KIAA0586: variants seen among roughly 807,000 people sequenced by gnomAD.
KIAA0586 encodes the protein protein TALPID3.
Under a neutral mutation model 169.8 loss-of-function variants are expected in KIAA0586, and 144 were observed. That is an observed-to-expected ratio of 0.85 (90% CI 0.74 to 0.97). The LOEUF (loss-of-function observed/expected upper bound fraction) is 0.97. Among genes scored for constraint, KIAA0586 ranks in the 50% least tolerant of loss-of-function variants. The pLI, the probability that KIAA0586 is intolerant of heterozygous loss-of-function variation, is 0.00. For synonymous variants in KIAA0586, 625 were observed against 612.4 expected (o/e 1.02, Z -0.30); for missense variants, 1,854 against 1,823.0 (o/e 1.02, Z -0.31).
In KIAA0586 at chr14:58,521,258, C is replaced by A. The variant is rs1362297574; in HGVS notation, c.4429+8631C>A. 9 of 1,125,264 alleles carry A rather than the reference C, an allele frequency of 8.0e-6. 1 individual carries two copies. The highest frequency in any genetic ancestry group is 9.2e-6 in the Non-Finnish European group (7 of 757,584). The allele number at this position is 1,125,264 out of a possible 1,614,324, so 69.7% of individuals were successfully genotyped here. On this transcript the variant is annotated intron_variant, in intron 29 of 30. Coordinates refer to ENST00000652326, the MANE Select transcript of KIAA0586 (RefSeq NM_001329943.3). ...ACGTTGCCGACAAGACGGATCCTCA[C>A]TCCATGAACTCCCGTGTGTTCATTG...
chr14:58,554,400 TTGAG>T (rs2047232646), downstream of KIAA0586, among the ~76,000 whole-genome samples: 1 of 152,168 alleles, frequency 6.6e-6, no homozygotes, highest in Admixed American at 6.5e-5. Context: ...ATATAAAGGT[TTGAG>T]TGATGCCTCC....
chr14:58,473,799 G>A (rs146267521), intron 18 of KIAA0586, among the ~76,000 whole-genome samples: 225 of 152,170 alleles, frequency 1.5e-3, no homozygotes, highest in African/African-American at 5.1e-3. Context: ...CCAGCATCTC[G>A]GGAGGCTGAG....
At chr14:58,537,638 T>C (rs1846882109) in intron 29 of KIAA0586, among the ~76,000 whole-genome samples, 1 of 152,060 alleles carries the variant, frequency 6.6e-6, no homozygotes, top group Non-Finnish European at 1.5e-5. Flanking sequence ...AACATTAACA[T>C]CATAGTAAGC....
At chr14:58,474,573 A>C in intron 18 of KIAA0586, 34 bp from the exon 19 acceptor site, 1 of 1,439,030 alleles carries the variant, frequency 6.9e-7, no homozygotes, top group Admixed American at 2.6e-5. Context: ...GAACAAATAC[A>C]TGAATATAAT....
chr14:58,467,356 C>A (rs893547722), intron 15 of KIAA0586, among the ~76,000 whole-genome samples: 1 of 152,222 alleles, frequency 6.6e-6, no homozygotes, highest in African/African-American at 2.4e-5. Context: ...CAGGCAGAGG[C>A]AGTCTGGCTT....
Position 58,457,909 on chromosome 14 carries a change from C to T in KIAA0586, c.1513C>T (p.Leu505=). 6.2e-7 allele frequency: 1 copy of T among 1,606,002 alleles called. No individual in the cohort carries two copies. Residue 505 remains leucine, a synonymous_variant, in exon 11 of 31, where the codon CTG becomes TTG. Coordinates refer to ENST00000652326, the MANE Select transcript of KIAA0586 (RefSeq NM_001329943.3). ...QNNKKVLEEN[L]EAIIRAKDGA... is the part of the protein sequence containing the mutation. ...CAATAAAAAAGTACTTGAAGAAAAC[C>T]TGGAAGCTATTATTCGTGCAAAAGA...
intron 15 of KIAA0586, 59 bp downstream of exon 15, chr14:58,466,088 G>A: frequency 7.6e-7 from 1 of 1,316,052 alleles, no homozygotes; most frequent in Non-Finnish European, 1.1e-6. Context: ...TTGTTTGTTT[G>A]TGTGTTTATT....
chr14:58,431,621 T>C lies in KIAA0586; in HGVS notation c.341-767T>C, dbSNP rs1055778009. On this transcript the variant is annotated intron_variant, in intron 3 of 30. Transcript: ENST00000652326. ...ATTCTGTGAAAAATGATGTTGGTAA[T>C]TGAATAGGAATTGCATTGAATCTGT... is the stretch of plus-strand genomic sequence containing the variant. Among the ~76,000 whole-genome samples the C allele has an allele frequency of 2.6e-5, 4 of 152,332 alleles. No homozygotes were observed. The South Asian group carries it at 6.2e-4, about 24-fold the overall frequency.
intron 4 of KIAA0586, among the ~76,000 whole-genome samples, chr14:58,440,427 G>T (rs1273623438): frequency 6.6e-6 from 1 of 152,106 alleles, no homozygotes; most frequent in Non-Finnish European, 1.5e-5. Flanking sequence ...CGTCTCCTGG[G>T]TTCAAGCGAT....
chr14:58,505,045 A>G (rs2043836409), intron 27 of KIAA0586, among the ~76,000 whole-genome samples: 3 of 152,074 alleles, frequency 2.0e-5, no homozygotes, highest in African/African-American at 7.2e-5. Context: ...AGTGCTCCCC[A>G]CCACCACTTT....
rs191690953 is a variant in KIAA0586, at chr14:58,536,759, A to T, written c.4430-3312A>T. On this transcript the variant is annotated intron_variant, in intron 29 of 30. Coordinates refer to ENST00000652326, the MANE Select transcript of KIAA0586 (RefSeq NM_001329943.3). ...TTCCAGGCTGGAATTCTATTTCCAA[A>T]TCTAAGTTCACTTGTTCTTTATTTT... 2.4e-4 allele frequency among the ~76,000 whole-genome samples: 37 copies of T among 152,296 alleles called. No homozygotes were observed. The East Asian group carries it at 6.6e-3, about 27-fold the overall frequency.
Position 58,472,296 on chromosome 14 carries a change from A to G in KIAA0586, c.2634+17A>G. ...GTCATACAGGTAACAAAGCTTAGAA[A>G]CCATGAGAAATTATTTTTCTACCGG... On this transcript the variant is annotated intron_variant, in intron 18 of 30. Transcript: ENST00000652326. The G allele has an allele frequency of 7.0e-7, 1 of 1,425,884 alleles. No homozygotes were observed. The highest frequency in any genetic ancestry group is 1.4e-5 in the South Asian group (1 of 71,874). 88.3% of individuals were successfully genotyped at this position (1,425,884 alleles called of 1,614,324 possible). A position where few individuals can be genotyped will look rare whatever the true frequency, so the allele number is the denominator to read the frequency against.
At chr14:58,519,721 G>C (rs987279812) in intron 29 of KIAA0586, among the ~76,000 whole-genome samples, 4 of 152,112 alleles carry the variant, frequency 2.6e-5, no homozygotes, top group Non-Finnish European at 5.9e-5. Context: ...TATGTTATCT[G>C]TTTCTTATTT....
intron 6 of KIAA0586, among the ~76,000 whole-genome samples, chr14:58,447,584 G>T (rs1297997422): frequency 2.0e-5 from 3 of 151,958 alleles, no homozygotes; most frequent in Non-Finnish European, 2.9e-5. Context: ...GGGTTCAAGT[G>T]ATTCTCCTGC....
chr14:58,477,369 C>G (rs1353954646), intron 20 of KIAA0586, 128 bp downstream of exon 20: 1 of 581,898 alleles, frequency 1.7e-6, no homozygotes, highest in Non-Finnish European at 3.1e-6. Flanking sequence ...AACCTTACTT[C>G]TTAGTACTTC....
At chr14:58,526,229 C>T (rs980121456) in intron 29 of KIAA0586, among the ~76,000 whole-genome samples, 1 of 152,196 alleles carries the variant, frequency 6.6e-6, no homozygotes, top group African/African-American at 2.4e-5. Flanking sequence ...ACTGCCTCCT[C>T]AAGGGGGTCG....
intron 21 of KIAA0586, among the ~76,000 whole-genome samples, chr14:58,485,766 GC>G (rs974904295): frequency 6.6e-6 from 1 of 152,044 alleles, no homozygotes; most frequent in African/African-American, 2.4e-5. Context: ...CCATCTCCCT[GC>G]TGTCTTCATC....
intron 10 of KIAA0586, among the ~76,000 whole-genome samples, chr14:58,457,460 G>T (rs1301525927): frequency 6.6e-6 from 1 of 152,132 alleles, no homozygotes; most frequent in Non-Finnish European, 1.5e-5. Context: ...TAGAGACAGG[G>T]TTTCACCATG....
At chr14:58,543,726 AC>A (rs1299693292) in intron 30 of KIAA0586, among the ~76,000 whole-genome samples, 1 of 152,172 alleles carries the variant, frequency 6.6e-6, no homozygotes, top group African/African-American at 2.4e-5. Flanking sequence ...CTTTATAAGT[AC>A]TAAGTCTCCA....
Sources: allele counts gnomAD v4.1 joint callset (sites outside exome capture counted in the v4.1 genomes callset), GRCh38; gene constraint gnomAD v4.1.1; transcripts MANE v1.5; gene names NCBI Gene and HGNC (gene_info 2026-07-23, HGNC 2026-07-21).